Variants in SCAND3 observed in about 807,000 individuals in gnomAD.
The protein encoded by SCAND3 is SCAN domain-containing protein 3.
At chr6:28,599,725 T>C in the SCAND3 span, among the ~76,000 whole-genome samples, 1 of 152,200 alleles carries the variant, frequency 6.6e-6, no homozygotes. Flanking sequence ...TTTTGTAAAT[T>C]GCCCAGTCTT....
chr6:28,580,224 T>C, the SCAND3 span, among the ~76,000 whole-genome samples: 1 of 152,038 alleles, frequency 6.6e-6, no homozygotes, highest in Non-Finnish European at 1.5e-5. Context: ...GAGGCCAAGG[T>C]GGATGCATCA....
At chr6:28,576,089 T>G in the SCAND3 span, 1 of 1,608,940 alleles carries the variant, frequency 6.2e-7, no homozygotes, top group Non-Finnish European at 8.5e-7. Flanking sequence ...CTACTGAGGT[T>G]ATCACCACCC....
the SCAND3 span, among the ~76,000 whole-genome samples, chr6:28,615,368 C>A: frequency 6.6e-6 from 1 of 152,168 alleles, no homozygotes; most frequent in African/African-American, 2.4e-5. Flanking sequence ...AATCCCAGCA[C>A]TTTGAGAGGC....
At chr6:28,602,323 C>T in the SCAND3 span, among the ~76,000 whole-genome samples, 1 of 152,136 alleles carries the variant, frequency 6.6e-6, no homozygotes, top group Non-Finnish European at 1.5e-5. Flanking sequence ...ATTCTCCTGC[C>T]TTAGCCTCCT....
At chr6:28,574,314 A>G in the SCAND3 span, among the ~76,000 whole-genome samples, 2 of 152,156 alleles carry the variant, frequency 1.3e-5, no homozygotes, top group African/African-American at 4.8e-5. Flanking sequence ...AGTAACCTCC[A>G]TATTTCAAAA....
chr6:28,605,415 G>C, the SCAND3 span, among the ~76,000 whole-genome samples: 1 of 152,128 alleles, frequency 6.6e-6, no homozygotes, highest in Non-Finnish European at 1.5e-5. Flanking sequence ...GAACAAAAAA[G>C]TACAGACCAA....
At chr6:28,594,994 A>T in the SCAND3 span, among the ~76,000 whole-genome samples, 32 of 151,970 alleles carry the variant, frequency 2.1e-4, no homozygotes, top group African/African-American at 7.0e-4. Flanking sequence ...GCTATCGACA[A>T]TAATTTAAAA....
the SCAND3 span, among the ~76,000 whole-genome samples, chr6:28,608,738 C>T: frequency 2.6e-5 from 4 of 152,144 alleles, no homozygotes; most frequent in African/African-American, 9.7e-5. Context: ...GTGGCTTACA[C>T]CTGTAATCCC....
chr6:28,590,569 A>G, the SCAND3 span: 1 of 152,208 alleles, frequency 6.6e-6, no homozygotes, highest in African/African-American at 2.4e-5. Context: ...CAAGAACTAA[A>G]TTAGAAACAA....
chr6:28,580,019 A>G, the SCAND3 span, among the ~76,000 whole-genome samples: 9 of 152,242 alleles, frequency 5.9e-5, no homozygotes, highest in African/African-American at 1.7e-4. Flanking sequence ...TTGCACATAA[A>G]CCAGAATATT....
the SCAND3 span, chr6:28,575,653 G>T: frequency 1.2e-6 from 2 of 1,614,098 alleles, no homozygotes; most frequent in Non-Finnish European, 8.5e-7. The surrounding 1 kb of genome is among the most constrained non-coding windows in gnomAD (Gnocchi z 4.2). Context: ...CTGTTGGCAT[G>T]GTTTACAGAG....
the SCAND3 span, chr6:28,575,629 A>G: frequency 3.1e-6 from 5 of 1,614,022 alleles, no homozygotes; most frequent in Non-Finnish European, 4.2e-6. The surrounding 1 kb of genome is among the most constrained non-coding windows in gnomAD (Gnocchi z 4.2). Flanking sequence ...AACCTTCTTG[A>G]GTTTTGAATT....
At chr6:28,607,179 C>T in the SCAND3 span, among the ~76,000 whole-genome samples, 2 of 152,258 alleles carry the variant, frequency 1.3e-5, no homozygotes, top group East Asian at 1.9e-4. Context: ...AGTGGTAGAG[C>T]GCGTGCTTAG....
the SCAND3 span, among the ~76,000 whole-genome samples, chr6:28,582,325 C>T: frequency 6.6e-6 from 1 of 152,106 alleles, no homozygotes; most frequent in Non-Finnish European, 1.5e-5. This position sits in a 1 kb window ranked among gnomAD's most constrained non-coding sequence, Gnocchi z 4.8. Context: ...GACAATTATT[C>T]TTCCAATATG....
At chr6:28,604,046 T>G in the SCAND3 span, among the ~76,000 whole-genome samples, 1 of 152,232 alleles carries the variant, frequency 6.6e-6, no homozygotes, top group South Asian at 2.1e-4. Flanking sequence ...TCTTGAGACC[T>G]GCACTTAGAA....
At chr6:28,575,305 C>T in the SCAND3 span, 4 of 1,613,986 alleles carry the variant, frequency 2.5e-6, no homozygotes, top group Non-Finnish European at 3.4e-6. This position sits in a 1 kb window ranked among gnomAD's most constrained non-coding sequence, Gnocchi z 4.2. Flanking sequence ...CTGGCTTTGG[C>T]AGGTCTGAGA....
At chr6:28,574,606 T>C in the SCAND3 span, 1 of 1,545,768 alleles carries the variant, frequency 6.5e-7, no homozygotes, top group Non-Finnish European at 8.9e-7. Flanking sequence ...AATGAGATTC[T>C]TCCCCTGCTT....
At chr6:28,586,871 A>T in the SCAND3 span, 14 of 640,558 alleles carry the variant, frequency 2.2e-5, no homozygotes, top group East Asian at 3.8e-4. This position sits in a 1 kb window ranked among gnomAD's most constrained non-coding sequence, Gnocchi z 4.4. Flanking sequence ...GTTTAAAAGG[A>T]CTTGTTTACG....
the SCAND3 span, chr6:28,575,083 A>G: frequency 5.0e-6 from 8 of 1,614,068 alleles, no homozygotes; most frequent in Non-Finnish European, 8.5e-7. This position sits in a 1 kb window ranked among gnomAD's most constrained non-coding sequence, Gnocchi z 4.2. Context: ...CAAGCTGGCA[A>G]CAAGTTCTTC....
Sources: gnomAD v4.1 joint callset for allele counts (sites outside exome capture counted in the v4.1 genomes callset) on GRCh38, gnomAD v4.1.1 for gene constraint, Gnocchi (gnomAD v3.1) non-coding constraint, MANE v1.5 for transcripts, NCBI Gene and HGNC (gene_info 2026-07-23, HGNC 2026-07-21) for gene names.